Variants in CACNA2D3 observed in about 807,000 individuals in gnomAD.
CACNA2D3 encodes calcium voltage-gated channel auxiliary subunit alpha2delta 3.
A neutral mutation model predicts 160.6 loss-of-function variants in CACNA2D3; 60 were observed. That is an observed-to-expected ratio of 0.37 (90% CI 0.30 to 0.46). CACNA2D3 has a LOEUF of 0.46. CACNA2D3 is among the 20% of genes least tolerant of loss of function. The probability of loss-of-function intolerance (pLI) is 1.00; values close to 1 mark genes in which losing one functional copy is unlikely to be tolerated. For missense variants in CACNA2D3, 1,205 were observed against 1,365.0 expected (o/e 0.88, Z 1.85); for synonymous variants, 558 against 492.9 (o/e 1.13, Z -1.75).
intron 27 of CACNA2D3, among the ~76,000 whole-genome samples, chr3:54,911,386 G>A (rs1282144195): frequency 3.0e-5 from 3 of 100,644 alleles, no homozygotes; most frequent in African/African-American, 1.5e-4. Context: ...AGAGATGGGG[G>A]TCACACGTTT....
intron 3 of CACNA2D3, chr3:54,385,944 C>T (rs775693032): frequency 7.8e-6 from 4 of 509,834 alleles, no homozygotes; most frequent in Non-Finnish European, 1.6e-5. Flanking sequence ...CTGTAATATC[C>T]TCTAGCCTAT....
intron 35 of CACNA2D3, among the ~76,000 whole-genome samples, chr3:55,033,265 C>T (rs1297805410): frequency 6.6e-6 from 1 of 152,060 alleles, no homozygotes; most frequent in Non-Finnish European, 1.5e-5. Flanking sequence ...TATTAACTAA[C>T]AAAATACATA....
At chr3:54,600,864 TCA>T (rs1037993164) in intron 9 of CACNA2D3, among the ~76,000 whole-genome samples, 2 of 151,926 alleles carry the variant, frequency 1.3e-5, no homozygotes, top group Non-Finnish European at 2.9e-5. Context: ...GCCATCCCTG[TCA>T]TGACACTCCC....
intron 2 of CACNA2D3, among the ~76,000 whole-genome samples, chr3:54,216,371 G>T (rs1008872390): frequency 6.6e-6 from 1 of 152,144 alleles, no homozygotes; most frequent in African/African-American, 2.4e-5. Context: ...AGTATTCCAG[G>T]TATATGTGTG....
At chr3:54,865,036 C>T (rs1699368875) in intron 17 of CACNA2D3, among the ~76,000 whole-genome samples, 2 of 152,330 alleles carry the variant, frequency 1.3e-5, no homozygotes, top group Admixed American at 1.3e-4. Context: ...ATGGGAAGTG[C>T]AGGGGGAAAC....
intron 3 of CACNA2D3, among the ~76,000 whole-genome samples, chr3:54,336,104 T>C (rs1233253188): frequency 1.4e-5 from 2 of 147,640 alleles, no homozygotes; most frequent in African/African-American, 2.5e-5. Context: ...CTCTGCCTCC[T>C]CAGAATCCCA....
chr3:54,792,444 A>G (rs1702776591), intron 13 of CACNA2D3, among the ~76,000 whole-genome samples: 1 of 152,182 alleles, frequency 6.6e-6, no homozygotes, highest in South Asian at 2.1e-4. Flanking sequence ...TTGTGTGATT[A>G]AGGAAAATCA....
intron 4 of CACNA2D3, among the ~76,000 whole-genome samples, chr3:54,399,983 T>A (rs1180310620): frequency 8.5e-6 from 1 of 118,272 alleles, no homozygotes; most frequent in Non-Finnish European, 1.8e-5. Context: ...CTGAGCCAGG[T>A]GTGGGATATA....
intron 2 of CACNA2D3, among the ~76,000 whole-genome samples, chr3:54,141,061 C>CTCTGTGTGTG (rs1699917024): frequency 1.5e-5 from 2 of 129,480 alleles, no homozygotes; most frequent in Non-Finnish European, 3.2e-5. Flanking sequence ...CAGGTGAAAC[C>CTCTGTGTGTG]TGTGTGTGTG....
intron 11 of CACNA2D3, among the ~76,000 whole-genome samples, chr3:54,671,744 A>G (rs1338832565): frequency 1.3e-5 from 2 of 152,204 alleles, no homozygotes; most frequent in Admixed American, 6.5e-5. Flanking sequence ...CCCTAGCTGA[A>G]GCAGCCCTGG....
chr3:54,766,891 A>C (rs2107104228), intron 13 of CACNA2D3, among the ~76,000 whole-genome samples: 1 of 151,754 alleles, frequency 6.6e-6, no homozygotes, highest in East Asian at 1.9e-4. Context: ...TTTATATAGG[A>C]AATGAGGAAA....
At chr3:54,863,319 A>G (rs1168703) in intron 17 of CACNA2D3, among the ~76,000 whole-genome samples, 63,439 of 151,852 alleles carry the variant, frequency 0.42, 13,791 homozygotes, top group Admixed American at 0.55. Context: ...TTGCATGCCC[A>G]TCTGTGTGTG....
At chr3:54,624,637 G>GA (rs1699057500) in intron 9 of CACNA2D3, among the ~76,000 whole-genome samples, 1 of 152,054 alleles carries the variant, frequency 6.6e-6, no homozygotes. Context: ...AGAAAAAAAA[G>GA]AAAAAAATGC....
chr3:54,830,512 G>A (rs1050150217), intron 14 of CACNA2D3, among the ~76,000 whole-genome samples: 7 of 149,330 alleles, frequency 4.7e-5, no homozygotes, highest in African/African-American at 1.7e-4. Context: ...ACAATGGCAC[G>A]ATATCGGTTT....
At chr3:54,925,162 A>G (rs766962117) in intron 27 of CACNA2D3, 2 of 1,614,152 alleles carry the variant, frequency 1.2e-6, no homozygotes, top group South Asian at 2.2e-5. Flanking sequence ...TTGTCCGGGC[A>G]GCTGCATACC....
At chr3:54,959,379 A>G (rs1281289398) in intron 27 of CACNA2D3, among the ~76,000 whole-genome samples, 1 of 152,220 alleles carries the variant, frequency 6.6e-6, no homozygotes, top group East Asian at 1.9e-4. Context: ...GCCCTGTAAC[A>G]TGAACCTGAC....
intron 2 of CACNA2D3, among the ~76,000 whole-genome samples, chr3:54,142,927 G>A (rs956987376): frequency 6.6e-6 from 1 of 152,178 alleles, no homozygotes; most frequent in African/African-American, 2.4e-5. Flanking sequence ...GATTGTGCTA[G>A]TTAGGGACAG....
chr3:54,498,043 GT>G (rs201950967), intron 4 of CACNA2D3, among the ~76,000 whole-genome samples: 2,065 of 141,866 alleles, frequency 0.015, 59 homozygotes, highest in Admixed American at 0.066. Context: ...TTGGCATATA[GT>G]TTTTTTTTTT....
At chr3:54,385,749 T>G (rs35870700) in intron 3 of CACNA2D3, among the ~76,000 whole-genome samples, 16,838 of 152,216 alleles carry the variant, frequency 0.11, 1,110 homozygotes, top group African/African-American at 0.18. Context: ...ATGCCATCAT[T>G]TTTCACACGT....
Sources: gnomAD v4.1 joint callset for allele counts (sites outside exome capture counted in the v4.1 genomes callset) on GRCh38, gnomAD v4.1.1 for gene constraint, MANE v1.5 for transcripts, NCBI Gene and HGNC (gene_info 2026-07-23, HGNC 2026-07-21) for gene names.